The following ROBO2 variants were observed in gnomAD, a reference collection of about 807,000 sequenced individuals.
The protein encoded by ROBO2 is roundabout guidance receptor 2.
In ROBO2, 53 loss-of-function variants were observed where a neutral mutation model predicts 160.8. The observed-to-expected ratio is 0.33, with a 90% CI of 0.26 to 0.41. ROBO2 has a LOEUF of 0.41. Ranked by LOEUF, ROBO2 falls within the 10% of genes least tolerant of loss-of-function variation. The pLI, the probability that ROBO2 is intolerant of heterozygous loss-of-function variation, is 1.00. For missense variants in ROBO2, 1,577 were observed against 1,722.4 expected, an observed-to-expected ratio of 0.92 and a Z score of 1.49; for synonymous variants, 664 against 611.7, an observed-to-expected ratio of 1.09 and a Z score of -1.26.
intron 2 of ROBO2, among the ~76,000 whole-genome samples, chr3:77,329,911 C>G (rs987854576): frequency 1.3e-5 from 2 of 152,144 alleles, no homozygotes; most frequent in African/African-American, 2.4e-5. Context: ...TTAGTTCTCA[C>G]AGTCCCAAGC....
chr3:76,035,002 C>T (rs1465292453), intron 2 of ROBO2, among the ~76,000 whole-genome samples: 4 of 152,032 alleles, frequency 2.6e-5, no homozygotes, highest in Non-Finnish European at 5.9e-5. Flanking sequence ...TCTCTTTAAC[C>T]TTCGCTCAAT....
chr3:77,316,656 C>T (rs1259031009), intron 2 of ROBO2: 2 of 646,508 alleles, frequency 3.1e-6, no homozygotes, highest in Non-Finnish European at 5.6e-6. Flanking sequence ...TTTAGCAATA[C>T]TTGCATCCCA....
chr3:76,259,518 C>T (rs1023943742), intron 2 of ROBO2, among the ~76,000 whole-genome samples: 5 of 152,114 alleles, frequency 3.3e-5, no homozygotes, highest in Admixed American at 6.6e-5. Flanking sequence ...ATCTTGTAAG[C>T]AGAGGCCCTG....
intron 2 of ROBO2, among the ~76,000 whole-genome samples, chr3:76,863,764 G>A (rs374995314): frequency 6.6e-6 from 1 of 152,140 alleles, no homozygotes; most frequent in South Asian, 2.1e-4. Context: ...ATTATTATGA[G>A]AATGTGTGAC....
At chr3:77,402,285 T>A (rs7615402) in intron 2 of ROBO2, among the ~76,000 whole-genome samples, 46 of 151,724 alleles carry the variant, frequency 3.0e-4, no homozygotes, top group Middle Eastern at 3.4e-3. Flanking sequence ...GGGGCCTGTC[T>A]GGAGTGGGGT....
At chr3:76,491,865 C>A (rs1180116167) in intron 2 of ROBO2, among the ~76,000 whole-genome samples, 1 of 152,136 alleles carries the variant, frequency 6.6e-6, no homozygotes, top group Non-Finnish European at 1.5e-5. Flanking sequence ...GAGGCCAAGG[C>A]AGAAGGATCA....
At chr3:77,401,604 A>G (rs1043234467) in intron 2 of ROBO2, among the ~76,000 whole-genome samples, 1 of 151,670 alleles carries the variant, frequency 6.6e-6, no homozygotes, top group Non-Finnish European at 1.5e-5. Context: ...GAGATATTGG[A>G]CTGAGCACAT....
chr3:77,414,086 G>T (rs1312895646), intron 2 of ROBO2, among the ~76,000 whole-genome samples: 1 of 151,758 alleles, frequency 6.6e-6, no homozygotes, highest in Admixed American at 6.6e-5. Context: ...CAGCAGAGGA[G>T]ACTGAGAAAA....
At chr3:77,523,006 G>T in intron 6 of ROBO2, 104 bp downstream of exon 6, 1 of 1,359,550 alleles carries the variant, frequency 7.4e-7, no homozygotes, top group Admixed American at 1.7e-5. Context: ...CTGTTTTGTT[G>T]TACTAAAATG....
chr3:77,340,258 G>A (rs1461168893), intron 2 of ROBO2, among the ~76,000 whole-genome samples: 3 of 152,048 alleles, frequency 2.0e-5, no homozygotes, highest in Admixed American at 6.6e-5. Context: ...TGCAAACACT[G>A]GTGGTTTACT....
At chr3:77,150,000 C>T (rs1166034520) in intron 2 of ROBO2, among the ~76,000 whole-genome samples, 1 of 152,108 alleles carries the variant, frequency 6.6e-6, no homozygotes, top group Non-Finnish European at 1.5e-5. Context: ...GAAAATGTCA[C>T]ATTGGATGAT....
chr3:77,451,969 T>A (rs2081163482), intron 2 of ROBO2, among the ~76,000 whole-genome samples: 1 of 152,050 alleles, frequency 6.6e-6, no homozygotes, highest in Admixed American at 6.6e-5. Context: ...CCTTCCTGTG[T>A]CCAAGTGTTT....
chr3:77,414,298 C>T (rs1405082821), intron 2 of ROBO2, among the ~76,000 whole-genome samples: 1 of 152,124 alleles, frequency 6.6e-6, no homozygotes, highest in African/African-American at 2.4e-5. Context: ...AAGCAATTTT[C>T]CTGGAGTGGT....
At chr3:77,207,928 T>C (rs1396876038) in intron 2 of ROBO2, among the ~76,000 whole-genome samples, 1 of 152,200 alleles carries the variant, frequency 6.6e-6, no homozygotes, top group East Asian at 1.9e-4. Context: ...TCTTGAGAAT[T>C]GATTTCATAC....
intron 2 of ROBO2, among the ~76,000 whole-genome samples, chr3:76,639,403 C>G (rs1352866366): frequency 6.6e-6 from 1 of 151,418 alleles, no homozygotes; most frequent in Non-Finnish European, 1.5e-5. Flanking sequence ...TATATATACA[C>G]ATACATACAT....
intron 2 of ROBO2, among the ~76,000 whole-genome samples, chr3:77,145,459 A>G (rs2077046792): frequency 6.6e-6 from 1 of 152,310 alleles, no homozygotes; most frequent in South Asian, 2.1e-4. Flanking sequence ...ACTTTTTTAT[A>G]TGGCATGAAG....
intron 2 of ROBO2, among the ~76,000 whole-genome samples, chr3:76,397,117 A>G (rs2077503742): frequency 6.6e-6 from 1 of 152,198 alleles, no homozygotes; most frequent in Non-Finnish European, 1.5e-5. Flanking sequence ...TACTGGTACC[A>G]AAACAGAGAT....
intron 2 of ROBO2, among the ~76,000 whole-genome samples, chr3:77,370,703 T>C (rs1316731358): frequency 6.6e-6 from 1 of 152,216 alleles, no homozygotes; most frequent in East Asian, 1.9e-4. Context: ...AATAAAACTT[T>C]AAAGAAGAAT....
chr3:76,107,261 G>A (rs1249683178), intron 2 of ROBO2, among the ~76,000 whole-genome samples: 7 of 152,030 alleles, frequency 4.6e-5, no homozygotes, highest in African/African-American at 1.4e-4. Flanking sequence ...ACTCAAGGTC[G>A]CATAGTAAAG....
Sources: gnomAD v4.1 joint callset for allele counts (sites outside exome capture counted in the v4.1 genomes callset) on GRCh38, gnomAD v4.1.1 for gene constraint, MANE v1.5 for transcripts, NCBI Gene and HGNC (gene_info 2026-07-23, HGNC 2026-07-21) for gene names.